Variants in IL15 observed in about 807,000 individuals in gnomAD.
IL15 encodes interleukin-15.
Under a neutral mutation model 19.6 loss-of-function variants are expected in IL15, and 11 were observed. That is an observed-to-expected ratio of 0.56 (90% CI 0.35 to 0.93). The LOEUF (loss-of-function observed/expected upper bound fraction) is 0.93, where lower values mean the gene tolerates loss of function less well. Ranked by LOEUF, IL15 falls within the 40% of genes least tolerant of loss-of-function variation. IL15 has a pLI of 0.01. For missense variants in IL15, 197 were observed against 186.5 expected, an observed-to-expected ratio of 1.06 and a Z score of -0.33; for synonymous variants, 58 against 59.6, an observed-to-expected ratio of 0.97 and a Z score of 0.12.
At chr4:141,690,090 C>T (rs894400409) in intron 2 of IL15, among the ~76,000 whole-genome samples, 2 of 152,138 alleles carry the variant, frequency 1.3e-5, no homozygotes, top group East Asian at 1.9e-4. Context: ...CCTCTGCAGC[C>T]GCTGGCCCCG....
At chr4:141,693,192 A>G (rs1007733237) in intron 2 of IL15, among the ~76,000 whole-genome samples, 2 of 152,024 alleles carry the variant, frequency 1.3e-5, no homozygotes, top group African/African-American at 2.4e-5. Flanking sequence ...AATAGAGACA[A>G]TGCAGGAGAA....
Position 141,733,859 on chromosome 4 carries a change from T to G in IL15, c.*1011T>G, listed in dbSNP as rs999833742. On this transcript the variant is annotated 3_prime_UTR_variant, in exon 8 of 8. Coordinates refer to ENST00000320650, the MANE Select transcript of IL15 (RefSeq NM_000585.5). ...AACCCTGTTGATTTGTTGGAGCCAT[T>G]GTTATCTGACAGAAAATAATTGTTT... 1.3e-5 allele frequency: 2 copies of G among 152,242 alleles called. No homozygotes were observed. Among genetic ancestry groups the G allele is most frequent in the Non-Finnish European group, 2.9e-5 (2 of 68,040 alleles). The allele number at this position is 152,242 out of a possible 1,614,324, so 9.4% of individuals were successfully genotyped here.
At chr4:141,716,131 T>C (rs934576165) in intron 2 of IL15, 2 of 152,336 alleles carry the variant, frequency 1.3e-5, no homozygotes, top group Non-Finnish European at 2.9e-5. Context: ...AGTACCATCC[T>C]GCTAGGATTT....
intron 2 of IL15, among the ~76,000 whole-genome samples, chr4:141,670,126 C>A (rs1728122677): frequency 6.6e-6 from 1 of 151,180 alleles, no homozygotes; most frequent in Admixed American, 6.6e-5. Flanking sequence ...TAAAATTTTT[C>A]AAATGTTGAT....
intron 2 of IL15, among the ~76,000 whole-genome samples, chr4:141,691,439 A>G (rs1728907626): frequency 6.6e-6 from 1 of 152,212 alleles, no homozygotes; most frequent in Non-Finnish European, 1.5e-5. Context: ...GAATTAACCC[A>G]AAAGTCCAAG....
At chr4:141,730,121 G>A in intron 7 of IL15, 137 bp downstream of exon 7, 1 of 730,100 alleles carries the variant, frequency 1.4e-6, no homozygotes, top group Admixed American at 2.2e-5. Context: ...GTGTGCAAAA[G>A]TGGCACCATC....
intron 2 of IL15, among the ~76,000 whole-genome samples, chr4:141,665,524 G>A (rs1410612261): frequency 6.6e-6 from 1 of 151,926 alleles, no homozygotes; most frequent in African/African-American, 2.4e-5. Flanking sequence ...TGTCAAGTTC[G>A]CTTCTTATGT....
At chr4:141,694,960 C>T (rs1019635194) in intron 2 of IL15, among the ~76,000 whole-genome samples, 10 of 152,098 alleles carry the variant, frequency 6.6e-5, no homozygotes, top group African/African-American at 2.2e-4. Flanking sequence ...TCAGAATATA[C>T]CCCTCTCTCC....
At chr4:141,670,320 C>T (rs1313992993) in intron 2 of IL15, among the ~76,000 whole-genome samples, 1 of 151,944 alleles carries the variant, frequency 6.6e-6, no homozygotes, top group Non-Finnish European at 1.5e-5. Flanking sequence ...GTGCTGGCAT[C>T]AAGGAATTAG....
intron 1 of IL15, among the ~76,000 whole-genome samples, chr4:141,642,873 G>A (rs1727097118): frequency 6.6e-6 from 1 of 152,142 alleles, no homozygotes; most frequent in Non-Finnish European, 1.5e-5. Flanking sequence ...TACATTTTGA[G>A]TAAGGGCAAT....
chr4:141,661,022 A>G (rs1171131809), intron 2 of IL15, among the ~76,000 whole-genome samples: 2 of 152,218 alleles, frequency 1.3e-5, no homozygotes. Flanking sequence ...ATAGGGCAGC[A>G]GTTTATGCCA....
At chr4:141,654,403 A>G (rs1393115830) in intron 1 of IL15, among the ~76,000 whole-genome samples, 1 of 152,304 alleles carries the variant, frequency 6.6e-6, no homozygotes, top group Admixed American at 6.5e-5. Context: ...GTTCACTACA[A>G]CTCTGTATAG....
chr4:141,705,304 AT>A (rs1560929180), intron 2 of IL15, among the ~76,000 whole-genome samples: 1 of 151,204 alleles, frequency 6.6e-6, no homozygotes, highest in African/African-American at 2.4e-5. Context: ...TCTGAGGGAA[AT>A]TTTTTTTCAC....
chr4:141,729,787 A>G, intron 6 of IL15, 60 bp from the exon 7 acceptor site: 10 of 903,424 alleles, frequency 1.1e-5, no homozygotes, highest in African/African-American at 1.7e-5. Flanking sequence ...TCAAAATTAC[A>G]TCAGTATGAA....
intron 1 of IL15, among the ~76,000 whole-genome samples, chr4:141,641,003 G>T (rs1727023719): frequency 6.6e-6 from 1 of 152,196 alleles, no homozygotes; most frequent in African/African-American, 2.4e-5. Context: ...AAGGAGCCCA[G>T]AGAGGGTCTT....
chr4:141,694,225 C>T (rs950380749), intron 2 of IL15, among the ~76,000 whole-genome samples: 13 of 152,168 alleles, frequency 8.5e-5, no homozygotes, highest in African/African-American at 2.7e-4. Flanking sequence ...ATCATCCACA[C>T]GTGAACGTGG....
At chr4:141,649,307 A>G (rs192573403) in intron 1 of IL15, among the ~76,000 whole-genome samples, 112 of 152,072 alleles carry the variant, frequency 7.4e-4, no homozygotes, top group Non-Finnish European at 1.3e-3. Context: ...TTTCACCCAT[A>G]GTCCCAAGTA....
chr4:141,704,927 G>T (rs1384958607), intron 2 of IL15, among the ~76,000 whole-genome samples: 2 of 151,054 alleles, frequency 1.3e-5, no homozygotes, highest in African/African-American at 2.4e-5. Flanking sequence ...CAGTTGTTAT[G>T]TCTCATTTTT....
chr4:141,669,131 G>A (rs988800434), intron 2 of IL15, among the ~76,000 whole-genome samples: 4 of 152,084 alleles, frequency 2.6e-5, no homozygotes, highest in African/African-American at 4.8e-5. Flanking sequence ...AAAAGTTGCT[G>A]TAACAAAAAA....
Sources: gnomAD v4.1 joint callset for allele counts (sites outside exome capture counted in the v4.1 genomes callset) on GRCh38, gnomAD v4.1.1 for gene constraint, MANE v1.5 for transcripts, NCBI Gene and HGNC (gene_info 2026-07-23, HGNC 2026-07-21) for gene names.